The following PRELID2 variants were observed in gnomAD, a reference collection of about 807,000 sequenced individuals.
The protein encoded by PRELID2 is PRELI domain containing 2.
In PRELID2, 25 loss-of-function variants were observed where a neutral mutation model predicts 28.4. That is an observed-to-expected ratio of 0.88 (90% CI 0.64 to 1.23). The LOEUF is 1.23. PRELID2 is among the 50% of genes most tolerant of loss of function. The probability of loss-of-function intolerance (pLI) is 0.00; values close to 1 mark genes in which losing one functional copy is unlikely to be tolerated. For synonymous variants in PRELID2, 76 were observed against 71.6 expected, an observed-to-expected ratio of 1.06 and a Z score of -0.31; for missense variants, 201 against 214.4, an observed-to-expected ratio of 0.94 and a Z score of 0.39.
intron 1 of PRELID2, among the ~76,000 whole-genome samples, chr5:145,716,470 G>C (rs934357858): frequency 1.3e-5 from 2 of 152,054 alleles, no homozygotes; most frequent in African/African-American, 4.8e-5. Context: ...ATCTTCAAAG[G>C]CAAGTCAAGA....
chr5:145,529,889 C>G (rs1230648164), intron 1 of PRELID2, among the ~76,000 whole-genome samples: 4 of 152,126 alleles, frequency 2.6e-5, no homozygotes, highest in African/African-American at 9.7e-5. Context: ...AAACTATTAG[C>G]ACGTTTTATG....
chr5:145,799,025 A>AATATATATATATATATATAT (rs532556100), intron 4 of PRELID2, among the ~76,000 whole-genome samples: 107 of 147,980 alleles, frequency 7.2e-4, no homozygotes, highest in African/African-American at 2.4e-3. Context: ...AGTATAATAA[A>AATATATATATATATATATAT]ATATATATAT....
chr5:145,590,950 G>A (rs17103471), intron 1 of PRELID2, among the ~76,000 whole-genome samples: 10,851 of 151,274 alleles, frequency 0.072, 583 homozygotes, highest in Admixed American at 0.18. Context: ...TCAAGGAAAC[G>A]CATGGATTCT....
chr5:145,712,207 A>T (rs1654232), intron 1 of PRELID2, among the ~76,000 whole-genome samples: 28,022 of 152,232 alleles, frequency 0.18, 3,002 homozygotes, highest in African/African-American at 0.29. Context: ...TGCACTATTA[A>T]ATTATATACA....
the PRELID2 span, among the ~76,000 whole-genome samples, chr5:145,369,372 TG>T: frequency 6.6e-6 from 1 of 151,976 alleles, no homozygotes; most frequent in Admixed American, 6.6e-5. Context: ...GACCATGTGG[TG>T]TTTGGTTTCC....
intron 1 of PRELID2, among the ~76,000 whole-genome samples, chr5:145,498,615 C>T (rs768403420): frequency 5.3e-5 from 8 of 152,028 alleles, no homozygotes; most frequent in Non-Finnish European, 1.2e-4. Flanking sequence ...CTGTAACCTC[C>T]GCCTCCCGGT....
the PRELID2 span, among the ~76,000 whole-genome samples, chr5:145,437,722 T>G: frequency 6.6e-6 from 1 of 152,130 alleles, no homozygotes; most frequent in Non-Finnish European, 1.5e-5. Context: ...ACGGAGGCCC[T>G]TCTCTCCTTG....
the PRELID2 span, among the ~76,000 whole-genome samples, chr5:145,324,874 T>C: frequency 6.6e-6 from 1 of 152,128 alleles, no homozygotes; most frequent in African/African-American, 2.4e-5. Flanking sequence ...GATTCCAAAC[T>C]TCATAATATA....
chr5:145,558,898 C>T, intron 1 of PRELID2, among the ~76,000 whole-genome samples: 1 of 152,102 alleles, frequency 6.6e-6, no homozygotes, highest in East Asian at 1.9e-4. Context: ...ATCCAGCAAA[C>T]CAACTCCTAA....
chr5:145,430,778 T>C, the PRELID2 span, among the ~76,000 whole-genome samples: 2 of 152,162 alleles, frequency 1.3e-5, no homozygotes, highest in Non-Finnish European at 2.9e-5. Context: ...AAACTCTTAG[T>C]TTAATAATTT....
chr5:145,601,073 T>C (rs1369794106), intron 1 of PRELID2, among the ~76,000 whole-genome samples: 1 of 152,126 alleles, frequency 6.6e-6, no homozygotes, highest in Non-Finnish European at 1.5e-5. Context: ...GGAGGATCAC[T>C]TTAGCCTGGG....
chr5:145,337,111 A>G, the PRELID2 span, among the ~76,000 whole-genome samples: 2 of 150,890 alleles, frequency 1.3e-5, no homozygotes, highest in East Asian at 1.9e-4. Context: ...TTGAAGTATA[A>G]TAATAATAAT....
chr5:145,334,909 A>T, the PRELID2 span, among the ~76,000 whole-genome samples: 1 of 151,926 alleles, frequency 6.6e-6, no homozygotes, highest in East Asian at 1.9e-4. Flanking sequence ...TGCTTTCAAA[A>T]TTCTCTCTTT....
chr5:145,657,925 T>C (rs1415635376), intron 1 of PRELID2, among the ~76,000 whole-genome samples: 1 of 152,164 alleles, frequency 6.6e-6, no homozygotes, highest in Non-Finnish European at 1.5e-5. Context: ...AAAATCTCAA[T>C]AGTAGAGGTA....
chr5:145,833,333 G>A (rs1755727056), intron 1 of PRELID2, among the ~76,000 whole-genome samples: 1 of 152,134 alleles, frequency 6.6e-6, no homozygotes, highest in Non-Finnish European at 1.5e-5. Context: ...TGAGAAGGTG[G>A]AGATCAACTG....
the PRELID2 span, among the ~76,000 whole-genome samples, chr5:145,247,769 A>G: frequency 6.6e-6 from 1 of 152,146 alleles, no homozygotes; most frequent in Non-Finnish European, 1.5e-5. Context: ...AAGAAAGGCC[A>G]AGAAAATCTG....
At chr5:145,559,055 C>G (rs1000125748) in intron 1 of PRELID2, among the ~76,000 whole-genome samples, 2 of 152,018 alleles carry the variant, frequency 1.3e-5, no homozygotes, top group African/African-American at 4.8e-5. Context: ...GAGATCGAGA[C>G]CATCCTGGCT....
intron 1 of PRELID2, among the ~76,000 whole-genome samples, chr5:145,715,122 TTC>T (rs1262491232): frequency 5.9e-5 from 9 of 152,308 alleles, no homozygotes; most frequent in African/African-American, 1.9e-4. Context: ...TATTTGTCAT[TTC>T]TGTTTGTACT....
the PRELID2 span, among the ~76,000 whole-genome samples, chr5:145,372,756 A>C: frequency 6.7e-6 from 1 of 150,086 alleles, no homozygotes; most frequent in Non-Finnish European, 1.5e-5. Flanking sequence ...ATGTGGGATG[A>C]GTCTCCTGAA....
Sources: gnomAD v4.1 joint callset for allele counts (sites outside exome capture counted in the v4.1 genomes callset) on GRCh38, gnomAD v4.1.1 for gene constraint, MANE v1.5 for transcripts, NCBI Gene and HGNC (gene_info 2026-07-23, HGNC 2026-07-21) for gene names.